Variants in MMAA observed in about 807,000 individuals in gnomAD.
MMAA encodes metabolism of cobalamin associated A, also known as methylmalonic aciduria type A protein, mitochondrial.
In MMAA, 41 loss-of-function variants were observed where a neutral mutation model predicts 45.0. The ratio of observed to expected loss-of-function variants is 0.91; its 90% CI spans 0.71 to 1.18. MMAA has a LOEUF of 1.18. Ranked by LOEUF, MMAA falls within the 50% of genes most tolerant of loss-of-function variation. The pLI is 0.00. For synonymous variants in MMAA, 154 were observed against 178.2 expected (o/e 0.86, Z 1.08); for missense variants, 460 against 495.7 (o/e 0.93, Z 0.68).
intron 1 of MMAA, among the ~76,000 whole-genome samples, chr4:145,629,132 A>T (rs569812421): frequency 1.2e-4 from 18 of 152,040 alleles, no homozygotes; most frequent in South Asian, 6.2e-4. Context: ...GTATATATAT[A>T]TTTTTTGTTT....
intron 1 of MMAA, among the ~76,000 whole-genome samples, chr4:145,635,461 T>C (rs540786735): frequency 3.2e-4 from 48 of 152,256 alleles, no homozygotes; most frequent in African/African-American, 1.1e-3. Context: ...AGGGGTGGTG[T>C]TGGGGATTCA....
chr4:145,647,470 T>C (rs1269471325), intron 4 of MMAA, among the ~76,000 whole-genome samples: 1 of 152,162 alleles, frequency 6.6e-6, no homozygotes, highest in African/African-American at 2.4e-5. Context: ...GGGACAAAAA[T>C]GGAAGATATT....
chr4:145,622,402 G>T (rs1244193021), intron 1 of MMAA, among the ~76,000 whole-genome samples: 1 of 151,978 alleles, frequency 6.6e-6, no homozygotes, highest in Non-Finnish European at 1.5e-5. Flanking sequence ...CCAGTCTCGG[G>T]TATGTCTTTA....
chr4:145,627,224 A>G (rs565442443), intron 1 of MMAA, among the ~76,000 whole-genome samples: 1 of 152,362 alleles, frequency 6.6e-6, no homozygotes, highest in South Asian at 2.1e-4. Context: ...ATAAATGGAC[A>G]TAATTTCATG....
At chr4:145,651,333 A>G (rs1728081575) in intron 5 of MMAA, among the ~76,000 whole-genome samples, 186 bp downstream of exon 5, 1 of 152,232 alleles carries the variant, frequency 6.6e-6, no homozygotes, top group Admixed American at 6.5e-5. Flanking sequence ...CAGGAATAGA[A>G]TATGTGTCCT....
In MMAA at chr4:145,639,457, T is replaced by G. The variant is rs769472387; in HGVS notation, c.318T>G (p.Thr106=). The change falls in exon 2 of 7, where the codon ACT becomes ACG. Residue 106 remains threonine, a synonymous_variant. Coordinates refer to ENST00000649156, the MANE Select transcript of MMAA (RefSeq NM_172250.3). ...GQRACLAEAI[T]LVESTHSRKK... The stretch of plus-strand genomic sequence containing the variant: ...GGGCCTGTTTAGCAGAGGCCATAAC[T>G]CTTGTAGAATCAACTCACAGCAGGA... 8 of 1,614,168 alleles carry G rather than the reference T, an allele frequency of 5.0e-6. No homozygotes were observed. In the South Asian group the frequency reaches 8.8e-5, roughly 18 times the overall value.
At chr4:145,624,282 T>C in intron 1 of MMAA, 1 of 796,088 alleles carries the variant, frequency 1.3e-6, no homozygotes, top group Non-Finnish European at 2.3e-6. Flanking sequence ...ATTCCTCCTG[T>C]AGAGGTGAAT....
rs1161755423 is a variant in MMAA, at chr4:145,659,099, T to C, written c.*3665T>C. The C allele has an allele frequency of 1.3e-5, 2 of 152,224 alleles. No individual in the cohort carries two copies. The highest frequency in any genetic ancestry group is 1.3e-4 in the Admixed American group (2 of 15,290). 9.4% of individuals were successfully genotyped at this position (152,224 alleles called of 1,614,324 possible). ...AACAATGATGAACATGTCAAAACTT[T>C]CCTTTAAAAGGAACAATCAGAAAAA... On this transcript the variant is annotated 3_prime_UTR_variant, in exon 7 of 7. Transcript: ENST00000649156.
At chr4:145,622,274 C>T (rs1206001839) in intron 1 of MMAA, among the ~76,000 whole-genome samples, 2 of 152,144 alleles carry the variant, frequency 1.3e-5, no homozygotes, top group Non-Finnish European at 2.9e-5. Context: ...TCTCTCTTTC[C>T]TTGCTGCCAT....
At chr4:145,641,714 A>C (rs1005714405) in intron 2 of MMAA, among the ~76,000 whole-genome samples, 3 of 152,222 alleles carry the variant, frequency 2.0e-5, no homozygotes, top group Non-Finnish European at 4.4e-5. Context: ...ACCCAAGATC[A>C]CATAGCTCGT....
chr4:145,649,269 G>T (rs1728025831), intron 4 of MMAA, among the ~76,000 whole-genome samples: 1 of 152,184 alleles, frequency 6.6e-6, no homozygotes, highest in Admixed American at 6.5e-5. Flanking sequence ...TTGCACTCTA[G>T]CCTGGGCAAC....
chr4:145,641,899 G>A (rs1166836531), intron 2 of MMAA, among the ~76,000 whole-genome samples: 1 of 152,168 alleles, frequency 6.6e-6, no homozygotes. Flanking sequence ...GAAAAAAGAT[G>A]ATCCCTTATA....
At chr4:145,646,236 C>T in intron 4 of MMAA, 80 bp downstream of exon 4, 1 of 1,519,188 alleles carries the variant, frequency 6.6e-7, no homozygotes. Context: ...TATTTTTGTT[C>T]ATTCAGCAGA....
At chr4:145,625,545 T>C (rs2126607742) in intron 1 of MMAA, 1 of 753,710 alleles carries the variant, frequency 1.3e-6, no homozygotes, top group South Asian at 1.3e-5. Flanking sequence ...CATCAAGTGC[T>C]CAGAAATTTG....
At position 145,654,152 on chromosome 4, in the gene MMAA, G is replaced by A. The variant is rs1007611523; in HGVS notation, c.969+9G>A. 1.9e-6 allele frequency: 3 copies of A among 1,614,080 alleles called. No homozygotes were observed. The Admixed American group carries it at 5.0e-5, about 27-fold the overall frequency. Reference sequence around the variant, plus strand: ...AAGTCTGGAAACCAAAGGTAAGCTTGCTTGCATTCTGTATCTTTCACTCTG... The same window carrying A: ...AAGTCTGGAAACCAAAGGTAAGCTTACTTGCATTCTGTATCTTTCACTCTG... On this transcript the variant is annotated intron_variant, in intron 6 of 6. Transcript: ENST00000649156.
At chr4:145,621,281 A>G (rs1734083533) in intron 1 of MMAA, among the ~76,000 whole-genome samples, 1 of 152,216 alleles carries the variant, frequency 6.6e-6, no homozygotes, top group South Asian at 2.1e-4. Flanking sequence ...TGGATTTGAA[A>G]TAGGGTGGTA....
intron 1 of MMAA, chr4:145,624,279 C>T (rs2126606836): frequency 1.3e-6 from 1 of 797,262 alleles, no homozygotes; most frequent in East Asian, 2.4e-5. Flanking sequence ...TATATTCCTC[C>T]TGTAGAGGTG....
At chr4:145,620,757 G>A (rs1734073960) in intron 1 of MMAA, among the ~76,000 whole-genome samples, 1 of 152,162 alleles carries the variant, frequency 6.6e-6, no homozygotes, top group South Asian at 2.1e-4. Flanking sequence ...CTAGAGACTG[G>A]GATGGTCAGG....
intron 2 of MMAA, among the ~76,000 whole-genome samples, chr4:145,642,099 A>T (rs1020650610): frequency 5.3e-5 from 8 of 152,340 alleles, no homozygotes; most frequent in South Asian, 2.1e-4. Context: ...ACTTTATAGT[A>T]CAAAGGCAAA....
Sources: allele counts gnomAD v4.1 joint callset (sites outside exome capture counted in the v4.1 genomes callset), GRCh38; gene constraint gnomAD v4.1.1; transcripts MANE v1.5; gene names NCBI Gene and HGNC (gene_info 2026-07-23, HGNC 2026-07-21).